LZTS1: variants seen among roughly 807,000 people sequenced by gnomAD.
LZTS1 encodes leucine zipper putative tumor suppressor 1.
LZTS1 carries 31 observed loss-of-function variants against 45.8 expected under a neutral mutation model. That is an observed-to-expected ratio of 0.68 (90% CI 0.51 to 0.91). LZTS1 has a LOEUF of 0.91. Among genes scored for constraint, LZTS1 ranks in the 40% least tolerant of loss-of-function variants. The pLI, the probability that LZTS1 is intolerant of heterozygous loss-of-function variation, is 0.00. For missense variants in LZTS1, 821 were observed against 788.9 expected (o/e 1.04, Z -0.49); for synonymous variants, 359 against 357.3 (o/e 1.00, Z -0.05).
chr8:20,271,205 T>A (rs1563878806), intron 1 of LZTS1, among the ~76,000 whole-genome samples: 1 of 152,138 alleles, frequency 6.6e-6, no homozygotes, highest in Non-Finnish European at 1.5e-5. Flanking sequence ...GACTTCTGTG[T>A]CACCTCTGCC....
At chr8:20,291,533 T>C (rs1277720003) in intron 1 of LZTS1, among the ~76,000 whole-genome samples, 1 of 152,190 alleles carries the variant, frequency 6.6e-6, no homozygotes, top group Non-Finnish European at 1.5e-5. Flanking sequence ...AATGAGAAAA[T>C]TGAGGCTCAG....
chr8:20,254,302 T>C (rs1467133949), intron 2 of LZTS1, among the ~76,000 whole-genome samples: 1 of 152,198 alleles, frequency 6.6e-6, no homozygotes, highest in Non-Finnish European at 1.5e-5. Flanking sequence ...TTTGCCCTAA[T>C]CTCTGGTAAA....
intron 3 of LZTS1, among the ~76,000 whole-genome samples, chr8:20,251,778 C>T (rs143294155): frequency 6.6e-6 from 1 of 152,246 alleles, no homozygotes; most frequent in African/African-American, 2.4e-5. Flanking sequence ...GTCTTTACTC[C>T]AGTAGACAGG....
At chr8:20,271,990 T>G (rs1239646084) in intron 1 of LZTS1, among the ~76,000 whole-genome samples, 1 of 152,144 alleles carries the variant, frequency 6.6e-6, no homozygotes, top group East Asian at 1.9e-4. Context: ...ACTGGAGGGG[T>G]GAGCTGCTGG....
At chr8:20,268,692 A>T (rs1209139189) in intron 1 of LZTS1, among the ~76,000 whole-genome samples, 1 of 140,922 alleles carries the variant, frequency 7.1e-6, no homozygotes, top group East Asian at 2.0e-4. Context: ...AAGAGGCGAG[A>T]GTGGAGGAGG....
intron 1 of LZTS1, among the ~76,000 whole-genome samples, chr8:20,272,661 T>C (rs1182884014): frequency 6.6e-6 from 1 of 152,164 alleles, no homozygotes; most frequent in Non-Finnish European, 1.5e-5. Flanking sequence ...TTCATCTCTA[T>C]AATACAGAGA....
chr8:20,265,676 C>CAA (rs71222140), intron 1 of LZTS1, among the ~76,000 whole-genome samples: 11,770 of 42,802 alleles, frequency 0.27, 4,043 homozygotes, highest in East Asian at 0.47. Context: ...GACTCTGTCT[C>CAA]AAAAAAAAAA....
At chr8:20,263,615 C>T (rs1262936846) in intron 1 of LZTS1, among the ~76,000 whole-genome samples, 1 of 152,174 alleles carries the variant, frequency 6.6e-6, no homozygotes, top group African/African-American at 2.4e-5. Flanking sequence ...GGAAGTGAAA[C>T]TAAAGCAAAT....
rs1437702465 is a variant in LZTS1 at position 20,247,540 on chromosome 8, C to T, written c.*2182G>A. 6.5e-6 allele frequency: 1 copy of T among 152,756 alleles called. No individual in the cohort carries two copies. Among genetic ancestry groups the T allele is most frequent in the Non-Finnish European group, 1.5e-5 (1 of 68,126 alleles). 9.5% of individuals were successfully genotyped at this position (152,756 alleles called of 1,614,324 possible). ...CCCAATGGAGGGTACTGCCCTCAGGCAGGGAGGGACTTTTGGCTTGTAGAT... is the reference window on the plus strand; with the variant it reads ...CCCAATGGAGGGTACTGCCCTCAGGTAGGGAGGGACTTTTGGCTTGTAGAT... On this transcript the variant is annotated 3_prime_UTR_variant, in exon 4 of 4. Coordinates refer to ENST00000381569, the MANE Select transcript of LZTS1 (RefSeq NM_021020.5).
chr8:20,275,878 A>C (rs1800570570), intron 1 of LZTS1: 1 of 152,262 alleles, frequency 6.6e-6, no homozygotes, highest in Admixed American at 6.6e-5. Flanking sequence ...AACTGTTATT[A>C]ACTAAAAGGA....
intron 1 of LZTS1, among the ~76,000 whole-genome samples, chr8:20,274,059 C>T (rs898516489): frequency 6.6e-6 from 1 of 152,144 alleles, no homozygotes; most frequent in Non-Finnish European, 1.5e-5. Flanking sequence ...TCAGAAGGCA[C>T]TCTTCTGCTA....
intron 1 of LZTS1, among the ~76,000 whole-genome samples, chr8:20,264,106 C>CG (rs1800301220): frequency 2.6e-5 from 4 of 152,126 alleles, no homozygotes; most frequent in Non-Finnish European, 4.4e-5. Flanking sequence ...ATTTTAACGT[C>CG]TATGAATGCT....
chr8:20,301,652 T>G (rs114877185), intron 1 of LZTS1, among the ~76,000 whole-genome samples: 4,046 of 152,252 alleles, frequency 0.027, 193 homozygotes, highest in African/African-American at 0.092. Context: ...AGCCCATGTA[T>G]AGCTTTGCTA....
At chr8:20,274,904 G>C (rs1050169549) in intron 1 of LZTS1, among the ~76,000 whole-genome samples, 3 of 151,624 alleles carry the variant, frequency 2.0e-5, no homozygotes, top group African/African-American at 7.3e-5. Flanking sequence ...GTCCCTCACT[G>C]AGTGGGCTCC....
chr8:20,293,907 A>G (rs1160560760), intron 1 of LZTS1, among the ~76,000 whole-genome samples: 2 of 152,216 alleles, frequency 1.3e-5, no homozygotes, highest in Non-Finnish European at 2.9e-5. Flanking sequence ...TGGACAACAG[A>G]GCATGACTCT....
chr8:20,251,098 A>AATATATATATATAT (rs527759585), intron 3 of LZTS1, among the ~76,000 whole-genome samples: 16 of 41,306 alleles, frequency 3.9e-4, no homozygotes, highest in Admixed American at 1.0e-3. Flanking sequence ...CCTGAGGGCT[A>AATATATATATATAT]ATATATATAT....
chr8:20,299,570 T>C (rs192151499), intron 1 of LZTS1, among the ~76,000 whole-genome samples: 3 of 152,236 alleles, frequency 2.0e-5, no homozygotes, highest in East Asian at 1.9e-4. Flanking sequence ...GATAAGACCT[T>C]TAATAAATAG....
chr8:20,274,722 C>T (rs575915533), intron 1 of LZTS1, among the ~76,000 whole-genome samples: 1 of 152,246 alleles, frequency 6.6e-6, no homozygotes, highest in African/African-American at 2.4e-5. Context: ...GCACAACCAA[C>T]TGTCCTGATC....
At position 20,250,369 on chromosome 8, in the gene LZTS1, G is replaced by A. The variant is rs374589528; in HGVS notation, c.1150-6C>T. On this transcript the variant is annotated splice_polypyrimidine_tract_variant and splice_region_variant and intron_variant, in intron 3 of 3. Coordinates refer to ENST00000381569, the MANE Select transcript of LZTS1 (RefSeq NM_021020.5). ...TCGCCTGACTTCTGGCACACCTGCC[G>A]AGGGTGGGGTGGAGACAGAGTGCCA... is the stretch of plus-strand genomic sequence containing the variant. 36 of 1,588,128 alleles carry A rather than the reference G, an allele frequency of 2.3e-5. No individual in the cohort carries two copies. The African/African-American group carries it at 3.6e-4, about 16-fold the overall frequency.
Sources: gnomAD v4.1 joint callset for allele counts (sites outside exome capture counted in the v4.1 genomes callset) on GRCh38, gnomAD v4.1.1 for gene constraint, MANE v1.5 for transcripts, NCBI Gene and HGNC (gene_info 2026-07-23, HGNC 2026-07-21) for gene names.